Variants in ATP2B2 observed in about 807,000 individuals in gnomAD.
ATP2B2 encodes ATPase plasma membrane Ca2+ transporting 2, also known as plasma membrane calcium-transporting ATPase 2.
ATP2B2 carries 15 observed loss-of-function variants against 120.0 expected under a neutral mutation model. The observed-to-expected ratio is 0.12, with a 90% CI of 0.08 to 0.19. The LOEUF is 0.19. Ranked by LOEUF, ATP2B2 falls within the 10% of genes least tolerant of loss-of-function variation. The pLI is 1.00. For missense variants in ATP2B2, 1,045 were observed against 1,719.8 expected (o/e 0.61, Z 6.94); for synonymous variants, 694 against 700.3 (o/e 0.99, Z 0.14).
chr3:10,385,118 G>A (rs1385945695), intron 8 of ATP2B2, 150 bp downstream of exon 8: 29 of 796,024 alleles, frequency 3.6e-5, no homozygotes, highest in Non-Finnish European at 5.5e-5. Context: ...TGTCTTAAGC[G>A]CCTGCCCCAT....
At chr3:10,528,023 G>A (rs13321156) in intron 3 of ATP2B2, among the ~76,000 whole-genome samples, 8,519 of 152,180 alleles carry the variant, frequency 0.056, 538 homozygotes, top group African/African-American at 0.16. Context: ...TTCACAGTGC[G>A]GTAATCGGCA....
At chr3:10,566,532 G>A (rs2068013008) in intron 2 of ATP2B2, 1 of 152,232 alleles carries the variant, frequency 6.6e-6, no homozygotes, top group African/African-American at 2.4e-5. Context: ...TGCTTTTCCA[G>A]TGTGACTATA....
chr3:10,486,342 T>TGTGTGTGTGC, intron 1 of ATP2B2, among the ~76,000 whole-genome samples: 1 of 152,012 alleles, frequency 6.6e-6, no homozygotes, highest in South Asian at 2.1e-4. Flanking sequence ...TGTGTGTGTG[T>TGTGTGTGTGC]GTGTGTGTGT....
At chr3:10,512,495 C>CAGACACACACACACACACAG (rs2066790789) in intron 3 of ATP2B2, among the ~76,000 whole-genome samples, 1 of 151,936 alleles carries the variant, frequency 6.6e-6, no homozygotes, top group African/African-American at 2.4e-5. Context: ...CACACACACA[C>CAGACACACACACACACACAG]ACACACACAC....
intron 2 of ATP2B2, among the ~76,000 whole-genome samples, chr3:10,579,603 G>A (rs2068337004): frequency 6.6e-6 from 1 of 152,232 alleles, no homozygotes; most frequent in Non-Finnish European, 1.5e-5. Flanking sequence ...GAGGTCAGGA[G>A]TTCGAGACCA....
At chr3:10,645,191 T>A (rs891007428) in intron 1 of ATP2B2, among the ~76,000 whole-genome samples, 1 of 152,088 alleles carries the variant, frequency 6.6e-6, no homozygotes, top group Non-Finnish European at 1.5e-5. Context: ...GTAAAATACA[T>A]GGTTGTTCTC....
intron 2 of ATP2B2, among the ~76,000 whole-genome samples, chr3:10,540,805 A>G (rs1450289825): frequency 6.6e-6 from 1 of 151,910 alleles, no homozygotes; most frequent in Non-Finnish European, 1.5e-5. Flanking sequence ...GCAACATGGT[A>G]CATGTATACA....
Position 10,449,507 on chromosome 3 carries a change from T to G in ATP2B2, c.37A>C (p.Asn13His). Residue 13 changes from asparagine (N) to histidine (H), a missense_variant, in exon 2 of 23, where the codon AAC becomes CAC. This residue lies in a region of ATP2B2 where 139 missense variants were observed against 134.2 expected (regional missense o/e 1.04). Transcript: ENST00000360273. ...CCATGGCTCGACTCATTTCTTTGGT[T>G]TTTGGAGTAAAAGTCGCTGTTGGTC... ...DMTNSDFYSK[N>H]QRNESSHGGE... is the part of the protein sequence containing the mutation. 6.2e-7 allele frequency: 1 copy of G among 1,614,200 alleles called. No homozygotes were observed. Among genetic ancestry groups the G allele is most frequent in the Non-Finnish European group, 8.5e-7 (1 of 1,180,028 alleles).
intron 8 of ATP2B2, 124 bp downstream of exon 8, chr3:10,385,144 T>C (rs2061636613): frequency 1.0e-6 from 1 of 969,398 alleles, no homozygotes; most frequent in Non-Finnish European, 1.6e-6. Context: ...AAGGTGACTG[T>C]CCCAGCGGCC....
At chr3:10,333,337 T>C (rs921339902) in intron 22 of ATP2B2, among the ~76,000 whole-genome samples, 2 of 151,128 alleles carry the variant, frequency 1.3e-5, no homozygotes, top group African/African-American at 4.9e-5. Context: ...GGTGAAGGAG[T>C]TGTGGGGTAG....
At chr3:10,628,645 A>G (rs1023419735) in intron 1 of ATP2B2, among the ~76,000 whole-genome samples, 1 of 152,206 alleles carries the variant, frequency 6.6e-6, no homozygotes, top group Non-Finnish European at 1.5e-5. Context: ...CACAGCCTTT[A>G]CCATAGTTGC....
intron 2 of ATP2B2, among the ~76,000 whole-genome samples, chr3:10,588,047 A>G (rs1197484622): frequency 6.6e-6 from 1 of 152,192 alleles, no homozygotes; most frequent in African/African-American, 2.4e-5. Flanking sequence ...TCTCTCGTGG[A>G]TTTTACTTAT....
intron 5 of ATP2B2, among the ~76,000 whole-genome samples, chr3:10,389,564 G>C (rs774960195): frequency 6.6e-6 from 1 of 152,174 alleles, no homozygotes; most frequent in Non-Finnish European, 1.5e-5. Context: ...ATCAGCTTCA[G>C]AGATAGAAAG....
chr3:10,567,998 A>G (rs994086145), intron 2 of ATP2B2, among the ~76,000 whole-genome samples: 3 of 152,186 alleles, frequency 2.0e-5, no homozygotes, highest in Admixed American at 6.5e-5. Context: ...TGTTTGGCCA[A>G]CTCCAAAAAT....
At chr3:10,468,296 CAGG>C (rs2064838236) in intron 1 of ATP2B2, among the ~76,000 whole-genome samples, 1 of 152,230 alleles carries the variant, frequency 6.6e-6, no homozygotes, top group Non-Finnish European at 1.5e-5. Flanking sequence ...GGGCACAGTA[CAGG>C]GGCCATGGCT....
chr3:10,478,620 G>A lies in ATP2B2; in HGVS notation c.-320+26845C>T, dbSNP rs140464469. Among the ~76,000 whole-genome samples, 500 of 152,278 alleles carry A rather than the reference G, an allele frequency of 3.3e-3. 2 individuals carry two copies. Among genetic ancestry groups the A allele is most frequent in the African/African-American group, 0.012 (479 of 41,560 alleles). On this transcript the variant is annotated intron_variant, in intron 1 of 22. Coordinates refer to ENST00000360273, the MANE Select transcript of ATP2B2 (RefSeq NM_001001331.4). ...CACCAAAGGCCTCATCTTCTCTCCA[G>A]GTGGTCAGCATAGAATCCAGCAGCC...
intron 1 of ATP2B2, among the ~76,000 whole-genome samples, chr3:10,677,143 A>G (rs1348202360): frequency 6.6e-6 from 1 of 152,262 alleles, no homozygotes; most frequent in African/African-American, 2.4e-5. Context: ...AATAATTGCC[A>G]AAACTTGGAA....
intron 1 of ATP2B2, among the ~76,000 whole-genome samples, chr3:10,648,357 G>C (rs1229706566): frequency 1.1e-4 from 16 of 152,102 alleles, no homozygotes; most frequent in Admixed American, 1.0e-3. Flanking sequence ...AACATCTCTG[G>C]CCATGCTTTC....
intron 14 of ATP2B2, among the ~76,000 whole-genome samples, chr3:10,351,351 C>T (rs1280129998): frequency 3.3e-5 from 5 of 152,008 alleles, no homozygotes; most frequent in Non-Finnish European, 5.9e-5. Flanking sequence ...ATCAATGGAA[C>T]GAGTGATTCT....
Sources: gnomAD v4.1 joint callset for allele counts (sites outside exome capture counted in the v4.1 genomes callset) on GRCh38, gnomAD v4.1.1 for gene constraint, gnomAD v4.1.1 regional missense constraint, MANE v1.5 for transcripts, NCBI Gene and HGNC (gene_info 2026-07-23, HGNC 2026-07-21) for gene names.